Variants in GABBR2 observed in about 807,000 individuals in gnomAD.
The protein encoded by GABBR2 is gamma-aminobutyric acid type B receptor subunit 2.
GABBR2 carries 23 observed loss-of-function variants against 105.6 expected under a neutral mutation model. The ratio of observed to expected loss-of-function variants is 0.22; its 90% CI spans 0.16 to 0.31. The LOEUF is 0.31. Among genes scored for constraint, GABBR2 ranks in the 10% least tolerant of loss-of-function variants. The pLI is 1.00. For synonymous variants in GABBR2, 478 were observed against 499.7 expected (o/e 0.96, Z 0.58); for missense variants, 734 against 1,245.5 (o/e 0.59, Z 6.18).
At chr9:98,479,513 C>T (rs565806014) in intron 5 of GABBR2, among the ~76,000 whole-genome samples, 1 of 152,360 alleles carries the variant, frequency 6.6e-6, no homozygotes, top group African/African-American at 2.4e-5. Context: ...GTCAGCCTCA[C>T]AGCCTCTCCC....
chr9:98,448,536 C>A (rs915611933), intron 7 of GABBR2, among the ~76,000 whole-genome samples: 1 of 152,304 alleles, frequency 6.6e-6, no homozygotes, highest in East Asian at 1.9e-4. Flanking sequence ...CCCACCTCAG[C>A]CTTCCAAGTA....
At chr9:98,436,102 T>C (rs977743536) in intron 7 of GABBR2, among the ~76,000 whole-genome samples, 6 of 150,900 alleles carry the variant, frequency 4.0e-5, no homozygotes, top group African/African-American at 1.2e-4. Context: ...GTAGAATAAA[T>C]GAATGAACAA....
chr9:98,344,310 C>T (rs1831267919), intron 13 of GABBR2, among the ~76,000 whole-genome samples: 1 of 152,108 alleles, frequency 6.6e-6, no homozygotes, highest in African/African-American at 2.4e-5. Context: ...AGAGTAGGTG[C>T]TCAAAAAAGA....
chr9:98,337,823 C>T (rs1269657669), intron 13 of GABBR2, among the ~76,000 whole-genome samples: 1 of 152,040 alleles, frequency 6.6e-6, no homozygotes, highest in Non-Finnish European at 1.5e-5. Context: ...GAGTTTGAGA[C>T]CAGGCTGGCC....
intron 8 of GABBR2, among the ~76,000 whole-genome samples, chr9:98,400,064 A>C (rs1832365588): frequency 6.6e-6 from 1 of 150,876 alleles, no homozygotes; most frequent in Non-Finnish European, 1.5e-5. Flanking sequence ...GCACGCCTGT[A>C]GTTCAGCTAC....
Position 98,708,413 on chromosome 9 carries a change from T to C in GABBR2, c.321+4A>G. ...CCCGACGGCAGGGGCAGCCGGACAC[T>C]CACCTCCGTGTCATAGAGCCGCAGG... On this transcript the variant is annotated splice_donor_region_variant and intron_variant, in intron 1 of 18. Transcript: ENST00000259455. 7.0e-7 allele frequency: 1 copy of C among 1,434,112 alleles called. No individual in the cohort carries two copies. Among genetic ancestry groups the C allele is most frequent in the South Asian group, 1.6e-5 (1 of 62,966 alleles). 88.8% of individuals were successfully genotyped at this position (1,434,112 alleles called of 1,614,324 possible).
chr9:98,594,634 TCAA>T (rs1254488275), intron 1 of GABBR2, among the ~76,000 whole-genome samples: 1 of 152,122 alleles, frequency 6.6e-6, no homozygotes, highest in Non-Finnish European at 1.5e-5. Context: ...GCAGGACCCC[TCAA>T]CAAGATGGCT....
rs138612908 is a variant in GABBR2, at chr9:98,386,747, T to C, written c.1530-975A>G. Among the ~76,000 whole-genome samples the C allele has an allele frequency of 3.0e-3, 464 of 152,330 alleles. 1 individual carries two copies. Among genetic ancestry groups the C allele is most frequent in the African/African-American group, 0.011 (451 of 41,574 alleles). ...TACAGCCAATTGTTCCCCAACATTT[T>C]CCTTTGCATTCTCCAGTTCTGTTAA... On this transcript the variant is annotated intron_variant, in intron 10 of 18. Coordinates refer to ENST00000259455, the MANE Select transcript of GABBR2 (RefSeq NM_005458.8).
intron 1 of GABBR2, among the ~76,000 whole-genome samples, chr9:98,616,294 C>T (rs1174773511): frequency 1.3e-5 from 2 of 152,192 alleles, no homozygotes; most frequent in African/African-American, 4.8e-5. Flanking sequence ...CAGTAAGCTG[C>T]CATTTCTTGC....
intron 1 of GABBR2, among the ~76,000 whole-genome samples, chr9:98,648,880 T>C (rs1830066825): frequency 6.6e-6 from 1 of 152,192 alleles, no homozygotes; most frequent in Non-Finnish European, 1.5e-5. Context: ...ATATTCTACC[T>C]TTGGGATGAC....
At chr9:98,539,860 G>A (rs894668151) in intron 3 of GABBR2, among the ~76,000 whole-genome samples, 7 of 149,498 alleles carry the variant, frequency 4.7e-5, no homozygotes, top group Non-Finnish European at 1.0e-4. Context: ...AGGTTGCAAT[G>A]AGCCGAGATT....
chr9:98,294,027 G>A, intron 17 of GABBR2, 125 bp from the exon 18 acceptor site: 1 of 710,906 alleles, frequency 1.4e-6, no homozygotes, highest in Non-Finnish European at 2.5e-6. Context: ...ATCCCTCTGT[G>A]TTCTCTAAGC....
At chr9:98,687,497 G>T (rs1040659634) in intron 1 of GABBR2, among the ~76,000 whole-genome samples, 2 of 152,158 alleles carry the variant, frequency 1.3e-5, no homozygotes, top group East Asian at 1.9e-4. Flanking sequence ...AAGCCCAAAG[G>T]TCAGGGCCTG....
chr9:98,486,212 C>T (rs1448888259), intron 4 of GABBR2, among the ~76,000 whole-genome samples: 4 of 152,184 alleles, frequency 2.6e-5, no homozygotes, highest in African/African-American at 9.7e-5. Flanking sequence ...TGGGTGTGGT[C>T]CCAGAGCCTG....
chr9:98,416,234 G>A (rs764744005), intron 7 of GABBR2, among the ~76,000 whole-genome samples: 3 of 152,156 alleles, frequency 2.0e-5, no homozygotes, highest in African/African-American at 4.8e-5. Flanking sequence ...CCATAACCAA[G>A]CCAGTCCTCT....
intron 13 of GABBR2, among the ~76,000 whole-genome samples, chr9:98,355,533 C>T (rs1374939188): frequency 2.6e-5 from 4 of 152,220 alleles, no homozygotes; most frequent in South Asian, 2.1e-4. Flanking sequence ...AAAACATCTA[C>T]ATGAGGAAAT....
At chr9:98,574,058 G>A (rs923122207) in intron 2 of GABBR2, among the ~76,000 whole-genome samples, 4 of 152,212 alleles carry the variant, frequency 2.6e-5, no homozygotes, top group Non-Finnish European at 2.9e-5. Context: ...AGGCATCACA[G>A]AGGAAGTGGT....
At chr9:98,356,118 G>T (rs987701001) in intron 13 of GABBR2, among the ~76,000 whole-genome samples, 8 of 152,088 alleles carry the variant, frequency 5.3e-5, no homozygotes, top group Non-Finnish European at 1.0e-4. Flanking sequence ...AAAAATCAAG[G>T]TAACTTTGTG....
At chr9:98,620,836 C>T (rs1016020196) in intron 1 of GABBR2, among the ~76,000 whole-genome samples, 4 of 152,156 alleles carry the variant, frequency 2.6e-5, no homozygotes, top group Admixed American at 2.0e-4. Context: ...GTCTGAATCC[C>T]ACTTCGCTAT....
Sources: allele counts gnomAD v4.1 joint callset (sites outside exome capture counted in the v4.1 genomes callset), GRCh38; gene constraint gnomAD v4.1.1; transcripts MANE v1.5; gene names NCBI Gene and HGNC (gene_info 2026-07-23, HGNC 2026-07-21).